Variants in ANKRD50 observed in about 807,000 individuals in gnomAD.
ANKRD50 encodes the protein ankyrin repeat domain-containing protein 50.
A neutral mutation model predicts 112.0 loss-of-function variants in ANKRD50; 40 were observed. The ratio of observed to expected loss-of-function variants is 0.36; its 90% CI spans 0.28 to 0.46. ANKRD50 has a LOEUF of 0.46. ANKRD50 is among the 20% of genes least tolerant of loss of function. ANKRD50 has a pLI of 1.00. For synonymous variants in ANKRD50, 613 were observed against 619.1 expected, an observed-to-expected ratio of 0.99 and a Z score of 0.15; for missense variants, 1,487 against 1,701.7, an observed-to-expected ratio of 0.87 and a Z score of 2.22.
At chr4:124,687,252 G>A (rs974306559) in intron 2 of ANKRD50, among the ~76,000 whole-genome samples, 9 of 151,962 alleles carry the variant, frequency 5.9e-5, no homozygotes, top group Non-Finnish European at 1.3e-4. Context: ...AGAAAGGCAG[G>A]TTTTTTGTTT....
Position 124,669,649 on chromosome 4 carries a change from G to T in ANKRD50, c.3628C>A (p.His1210Asn). 6.2e-7 allele frequency: 1 copy of T among 1,613,380 alleles called. No individual in the cohort carries two copies. Among genetic ancestry groups the T allele is most frequent in the Non-Finnish European group, 8.5e-7 (1 of 1,179,766 alleles). ...TAQTVPIDSF[H>N]NLSFTEQIQQ... ...ATTTGTTCTGTAAATGACAAGTTATGAAAGCTATCAATTGGCACTGTTTGA... is the reference window on the plus strand; with the variant it reads ...ATTTGTTCTGTAAATGACAAGTTATTAAAGCTATCAATTGGCACTGTTTGA... Residue 1210 changes from histidine to asparagine, a missense_variant, in exon 4 of 5, where the codon CAT (histidine) becomes AAT (asparagine). This residue lies in a region of ANKRD50 where 441 missense variants were observed against 432.2 expected (regional missense o/e 1.02). Transcript: ENST00000504087.
intron 2 of ANKRD50, among the ~76,000 whole-genome samples, chr4:124,683,904 CTTT>C (rs5861676): frequency 8.1e-5 from 9 of 111,776 alleles, no homozygotes; most frequent in Non-Finnish European, 1.2e-4. Flanking sequence ...ATACATCAGT[CTTT>C]TTTTTTTTTT....
At chr4:124,680,773 G>A (rs1724868307) in intron 2 of ANKRD50, among the ~76,000 whole-genome samples, 1 of 152,136 alleles carries the variant, frequency 6.6e-6, no homozygotes, top group Non-Finnish European at 1.5e-5. Flanking sequence ...AGGGAAATTG[G>A]GAATTGAGGT....
rs749017135 is a variant in ANKRD50, at chr4:124,671,463, T to C, written c.1814A>G (p.Asn605Ser). 7 of 1,613,648 alleles carry C rather than the reference T, an allele frequency of 4.3e-6. No homozygotes were observed. The highest frequency in any genetic ancestry group is 5.1e-6 in the Non-Finnish European group (6 of 1,179,836). ...NCLIGCGANI[N>S]HTDQDGWTAL... ...TGTCCAACCATCTTGATCAGTATGATTAATATTTGCTCCACACCCAATCAA... is the reference window on the plus strand; with the variant it reads ...TGTCCAACCATCTTGATCAGTATGACTAATATTTGCTCCACACCCAATCAA... The change falls in exon 4 of 5, where the codon AAT (asparagine) becomes AGT (serine). Residue 605 changes from asparagine to serine, a missense_variant. By Grantham distance (46) the Asn-to-Ser change is conservative. Around this residue, in one of 2 missense-constraint regions of ANKRD50, gnomAD observed 1,046 missense variants for 1,269.5 expected, o/e 0.82. Transcript: ENST00000504087.
intron 2 of ANKRD50, among the ~76,000 whole-genome samples, chr4:124,699,040 C>G (rs1453794874): frequency 6.6e-6 from 1 of 152,040 alleles, no homozygotes; most frequent in Non-Finnish European, 1.5e-5. Flanking sequence ...ATGTACAAAA[C>G]TAGAGTTTGT....
Position 124,664,479 on chromosome 4 carries a change from G to C in ANKRD50, c.*3039C>G, listed in dbSNP as rs1289505306. The C allele has an allele frequency of 1.3e-5, 2 of 152,294 alleles. No homozygotes were observed. The highest frequency in any genetic ancestry group is 4.8e-5 in the African/African-American group (2 of 41,394). The allele number at this position is 152,294 out of a possible 1,614,324, so 9.4% of individuals were successfully genotyped here. A position where few individuals can be genotyped will look rare whatever the true frequency, so the allele number is the denominator to read the frequency against. On this transcript the variant is annotated 3_prime_UTR_variant, in exon 5 of 5. Coordinates refer to ENST00000504087, the MANE Select transcript of ANKRD50 (RefSeq NM_020337.3). Reference sequence around the variant, plus strand: ...TGGTTCAAGGACAAAATTAAAACAAGATCTTCTCTGTAAAGCAAATATATT... The same window carrying C: ...TGGTTCAAGGACAAAATTAAAACAACATCTTCTCTGTAAAGCAAATATATT...
At chr4:124,682,160 C>G (rs1578579317) in intron 2 of ANKRD50, among the ~76,000 whole-genome samples, 1 of 151,520 alleles carries the variant, frequency 6.6e-6, no homozygotes, top group East Asian at 1.9e-4. Context: ...ACTAAAAATA[C>G]AAAAAATTAG....
intron 2 of ANKRD50, among the ~76,000 whole-genome samples, chr4:124,694,706 C>A (rs1173994831): frequency 6.6e-6 from 1 of 152,166 alleles, no homozygotes; most frequent in African/African-American, 2.4e-5. Flanking sequence ...CTAAAAAGAT[C>A]ATGGGTCAGT....
At chr4:124,711,432 T>A (rs535127723) in intron 1 of ANKRD50, among the ~76,000 whole-genome samples, 158 bp from the exon 2 acceptor site, 3 of 152,300 alleles carry the variant, frequency 2.0e-5, no homozygotes, top group East Asian at 3.9e-4. Context: ...ACCACTGAAA[T>A]AATCACATTC....
intron 2 of ANKRD50, among the ~76,000 whole-genome samples, chr4:124,700,594 C>A (rs116412152): frequency 0.014 from 2,105 of 148,696 alleles, 48 homozygotes; most frequent in African/African-American, 0.05. Flanking sequence ...AATGGTGACT[C>A]CTACATTTCT....
At chr4:124,682,319 T>A (rs1415729851) in intron 2 of ANKRD50, among the ~76,000 whole-genome samples, 1 of 78,026 alleles carries the variant, frequency 1.3e-5, no homozygotes, top group Non-Finnish European at 2.3e-5. Context: ...CAAGACTCCG[T>A]CTCAAAAAAA....
intron 3 of ANKRD50, among the ~76,000 whole-genome samples, chr4:124,675,303 A>G (rs1369411573): frequency 1.3e-5 from 2 of 151,834 alleles, no homozygotes; most frequent in Non-Finnish European, 3.0e-5. Context: ...GAAAGAGAAG[A>G]CCTGTGCCAA....
rs377461241 is a variant in ANKRD50, at chr4:124,669,572, T to C, written c.3705A>G (p.Pro1235=). 6.2e-6 allele frequency: 10 copies of C among 1,613,228 alleles called. No homozygotes were observed. The African/African-American group carries it at 1.1e-4, about 17-fold the overall frequency. ...GTCCTAAGGACTGTGTTGTGGAAGA[T>C]GGGGAAACAATTGACTGTCGACTTC... The part of the protein sequence containing the change: ...RSRSRQSIVS[P]SSTTQSLGQS... Residue 1235 remains proline (P), a synonymous_variant, in exon 4 of 5, where the codon CCA becomes CCG. Coordinates refer to ENST00000504087, the MANE Select transcript of ANKRD50 (RefSeq NM_020337.3).
At chr4:124,685,203 C>A (rs1199883300) in intron 2 of ANKRD50, among the ~76,000 whole-genome samples, 2 of 152,202 alleles carry the variant, frequency 1.3e-5, no homozygotes, top group African/African-American at 2.4e-5. Context: ...TTCAGGAGGG[C>A]AGGAACTATG....
intron 2 of ANKRD50, among the ~76,000 whole-genome samples, chr4:124,681,975 T>C (rs1249114423): frequency 6.6e-6 from 1 of 152,212 alleles, no homozygotes; most frequent in Non-Finnish European, 1.5e-5. Flanking sequence ...TAACATGTTT[T>C]GTGTAACTTC....
chr4:124,710,589 A>G lies in ANKRD50; in HGVS notation c.-78T>C. On this transcript the variant is annotated 5_prime_UTR_variant, in exon 2 of 5. Coordinates refer to ENST00000504087, the MANE Select transcript of ANKRD50 (RefSeq NM_020337.3). ...TTCCATCCATTATGACATAACTTGT[A>G]TATTAAGTTGACTCTGAAGACAGAG... The G allele has an allele frequency of 6.8e-7, 1 of 1,467,316 alleles. No homozygotes were observed. Among genetic ancestry groups the G allele is most frequent in the Non-Finnish European group, 9.1e-7 (1 of 1,094,842 alleles). The allele number at this position is 1,467,316 out of a possible 1,614,324, so 90.9% of individuals were successfully genotyped here. A position where few individuals can be genotyped will look rare whatever the true frequency, so the allele number is the denominator to read the frequency against.
Position 124,671,566 on chromosome 4 carries a change from A to T in ANKRD50, c.1711T>A (p.Leu571Ile). ...VNLLVSRGAD[L>I]EIEDAHGHTP... ...TGTCCATGAGCATCTTCTATCTCTA[A>T]ATCTGCTCCCCTAGAGACAAGTAAA... The change falls in exon 4 of 5, where the codon TTA becomes ATA. Residue 571 changes from leucine to isoleucine, a missense_variant. By Grantham distance (5) the Leu-to-Ile change is conservative. Coordinates refer to ENST00000504087, the MANE Select transcript of ANKRD50 (RefSeq NM_020337.3). The T allele has an allele frequency of 6.2e-7, 1 of 1,613,780 alleles. No homozygotes were observed. Among genetic ancestry groups the T allele is most frequent in the Non-Finnish European group, 8.5e-7 (1 of 1,179,834 alleles).
chr4:124,704,684 T>A (rs1022586837), intron 2 of ANKRD50, among the ~76,000 whole-genome samples: 2 of 152,214 alleles, frequency 1.3e-5, no homozygotes, highest in Non-Finnish European at 2.9e-5. Context: ...ACAATTATTA[T>A]ATGCAAAGTG....
rs1252176051 is a variant in ANKRD50 at position 124,665,258 on chromosome 4, G to T, written c.*2260C>A. ...ATAATTTATATAAAAACATCCCGAG[G>T]AATACTTACTTTTGAAAATCGTATT... is the stretch of plus-strand genomic sequence containing the variant. On this transcript the variant is annotated 3_prime_UTR_variant, in exon 5 of 5. Coordinates refer to ENST00000504087, the MANE Select transcript of ANKRD50 (RefSeq NM_020337.3). 1 of 152,036 alleles carries T rather than the reference G, an allele frequency of 6.6e-6. No homozygotes were observed. The highest frequency in any genetic ancestry group is 1.5e-5 in the Non-Finnish European group (1 of 67,800). The allele number at this position is 152,036 out of a possible 1,614,324, so 9.4% of individuals were successfully genotyped here.
Sources: allele counts gnomAD v4.1 joint callset (sites outside exome capture counted in the v4.1 genomes callset), GRCh38; gene constraint gnomAD v4.1.1; regional missense constraint gnomAD v4.1.1; transcripts MANE v1.5; gene names NCBI Gene and HGNC (gene_info 2026-07-23, HGNC 2026-07-21).